Variants in CPA6 observed in about 807,000 individuals in gnomAD.
CPA6 encodes carboxypeptidase A6.
Under a neutral mutation model 63.3 loss-of-function variants are expected in CPA6, and 58 were observed. The ratio of observed to expected loss-of-function variants is 0.92; its 90% CI spans 0.74 to 1.14. The LOEUF (loss-of-function observed/expected upper bound fraction) is 1.14, where lower values mean the gene tolerates loss of function less well. Ranked by LOEUF, CPA6 falls within the 50% of genes most tolerant of loss-of-function variation. The probability of loss-of-function intolerance (pLI) is 0.00; values close to 1 mark genes in which losing one functional copy is unlikely to be tolerated. For synonymous variants in CPA6, 185 were observed against 179.0 expected (o/e 1.03, Z -0.27); for missense variants, 565 against 526.6 (o/e 1.07, Z -0.71).
At chr8:67,572,628 C>A (rs557693736) in intron 2 of CPA6, among the ~76,000 whole-genome samples, 1 of 152,030 alleles carries the variant, frequency 6.6e-6, no homozygotes, top group African/African-American at 2.4e-5. Flanking sequence ...TCTTTTATAG[C>A]GACACAAAAT....
At chr8:67,689,643 T>C (rs1816777267) in intron 1 of CPA6, among the ~76,000 whole-genome samples, 1 of 152,266 alleles carries the variant, frequency 6.6e-6, no homozygotes. Context: ...CCATGGTATA[T>C]ATGTACCACA....
At chr8:67,510,910 G>T (rs1812030218) in intron 4 of CPA6, among the ~76,000 whole-genome samples, 1 of 152,120 alleles carries the variant, frequency 6.6e-6, no homozygotes, top group African/African-American at 2.4e-5. Context: ...TTGTGCTATG[G>T]GGGCATGTAA....
chr8:67,552,550 G>T (rs1377843127), intron 2 of CPA6, among the ~76,000 whole-genome samples: 1 of 151,880 alleles, frequency 6.6e-6, no homozygotes, highest in African/African-American at 2.4e-5. Context: ...AAGGCGGGCG[G>T]ATCACAAGAT....
chr8:67,738,337 C>CT (rs967653916), intron 1 of CPA6, among the ~76,000 whole-genome samples: 3 of 152,178 alleles, frequency 2.0e-5, no homozygotes, highest in African/African-American at 7.2e-5. Flanking sequence ...TTCCACTTTC[C>CT]TGCTGGCTGG....
chr8:67,568,989 G>T (rs1002967580), intron 2 of CPA6, among the ~76,000 whole-genome samples: 3 of 152,178 alleles, frequency 2.0e-5, no homozygotes, highest in African/African-American at 7.2e-5. Context: ...GACCTCAGGT[G>T]ATCCACCCAC....
intron 2 of CPA6, among the ~76,000 whole-genome samples, chr8:67,522,860 A>C (rs1203023609): frequency 6.6e-6 from 1 of 152,224 alleles, no homozygotes; most frequent in African/African-American, 2.4e-5. Flanking sequence ...CAAGCTGAGC[A>C]CAACCTACTG....
At chr8:67,498,267 G>C (rs1563976843) in intron 6 of CPA6, among the ~76,000 whole-genome samples, 1 of 152,006 alleles carries the variant, frequency 6.6e-6, no homozygotes, top group African/African-American at 2.4e-5. Context: ...TGGACATGGT[G>C]GCTCACATCT....
chr8:67,609,607 C>T (rs969576078), intron 2 of CPA6, among the ~76,000 whole-genome samples: 3 of 152,190 alleles, frequency 2.0e-5, no homozygotes, highest in Non-Finnish European at 4.4e-5. Context: ...AGAGATTTTG[C>T]TATTCCAGAA....
intron 1 of CPA6, among the ~76,000 whole-genome samples, chr8:67,681,735 T>G (rs991738442): frequency 2.0e-5 from 3 of 152,220 alleles, no homozygotes; most frequent in Admixed American, 2.0e-4. Context: ...TTTCCATTCC[T>G]GAATTATCTA....
At chr8:67,566,118 T>C (rs1813330676) in intron 2 of CPA6, among the ~76,000 whole-genome samples, 2 of 152,192 alleles carry the variant, frequency 1.3e-5, no homozygotes, top group South Asian at 4.1e-4. Context: ...GAGGAGATAA[T>C]AGCCAATTCT....
Position 67,729,791 on chromosome 8 carries a change from TA to T in CPA6, c.116+16222del, listed in dbSNP as rs10714185. On this transcript the variant is annotated intron_variant, in intron 1 of 10. Transcript: ENST00000297770. ...AAATAGTTTATAGGTATATAAAATA[TA>T]GGAGATGTAAATCACCACTTGAACT... Among the ~76,000 whole-genome samples the T allele has an allele frequency of 9.3e-3, 1,414 of 152,308 alleles. 24 individuals are homozygous for T. Among genetic ancestry groups the T allele is most frequent in the African/African-American group, 0.032 (1,312 of 41,558 alleles).
intron 2 of CPA6, chr8:67,569,570 C>A: frequency 2.2e-6 from 1 of 464,308 alleles, no homozygotes. Context: ...ACACAACAAG[C>A]CCAGTTGTCA....
rs1297788631 is a variant in CPA6 at position 67,652,456 on chromosome 8, C to G, written c.117-28205G>C. Among the ~76,000 whole-genome samples, 4 of 151,986 alleles carry G rather than the reference C, an allele frequency of 2.6e-5. No homozygotes were observed. In the South Asian group the frequency reaches 6.2e-4, roughly 24 times the overall value. ...CATTCTAACTGGTGTGAGATGGTATCTCATTGTGGTTTTGATTTGCATTTC... is the reference window on the plus strand; with the variant it reads ...CATTCTAACTGGTGTGAGATGGTATGTCATTGTGGTTTTGATTTGCATTTC... On this transcript the variant is annotated intron_variant, in intron 1 of 10. Coordinates refer to ENST00000297770, the MANE Select transcript of CPA6 (RefSeq NM_020361.5).
At chr8:67,631,991 A>G (rs1815344649) in intron 1 of CPA6, among the ~76,000 whole-genome samples, 1 of 152,218 alleles carries the variant, frequency 6.6e-6, no homozygotes. Context: ...TAAGAACTGT[A>G]ACACTCACCG....
intron 6 of CPA6, among the ~76,000 whole-genome samples, chr8:67,494,704 C>T (rs1452983876): frequency 1.3e-5 from 2 of 152,170 alleles, no homozygotes; most frequent in East Asian, 1.9e-4. Flanking sequence ...AATTACTAGG[C>T]GATCCTAAAT....
At chr8:67,581,187 G>A (rs1057040980) in intron 2 of CPA6, among the ~76,000 whole-genome samples, 1 of 152,184 alleles carries the variant, frequency 6.6e-6, no homozygotes, top group African/African-American at 2.4e-5. Context: ...TATCCATGTG[G>A]GGTAATGTAC....
intron 8 of CPA6, among the ~76,000 whole-genome samples, chr8:67,443,486 A>G (rs948948422): frequency 6.6e-6 from 1 of 152,078 alleles, no homozygotes; most frequent in African/African-American, 2.4e-5. Flanking sequence ...ATAACTGTGA[A>G]GTTTTTTTTT....
intron 8 of CPA6, among the ~76,000 whole-genome samples, chr8:67,457,493 C>A (rs1810702151): frequency 1.3e-5 from 2 of 152,092 alleles, no homozygotes; most frequent in South Asian, 4.2e-4. Context: ...CTCTTTCCTC[C>A]AGTCAGTCAC....
At chr8:67,564,304 G>A (rs1247897213) in intron 2 of CPA6, among the ~76,000 whole-genome samples, 3 of 152,122 alleles carry the variant, frequency 2.0e-5, no homozygotes, top group Admixed American at 6.6e-5. Context: ...GTCTCTGCCT[G>A]TGATGCTCCT....
Sources: gnomAD v4.1 joint callset for allele counts (sites outside exome capture counted in the v4.1 genomes callset) on GRCh38, gnomAD v4.1.1 for gene constraint, MANE v1.5 for transcripts, NCBI Gene and HGNC (gene_info 2026-07-23, HGNC 2026-07-21) for gene names.